The following KCNQ5 variants were observed in gnomAD, a reference collection of about 807,000 sequenced individuals.
KCNQ5 encodes potassium voltage-gated channel subfamily KQT member 5.
Under a neutral mutation model 98.2 loss-of-function variants are expected in KCNQ5, and 30 were observed. That is an observed-to-expected ratio of 0.31 (90% CI 0.23 to 0.41). The LOEUF (loss-of-function observed/expected upper bound fraction) is 0.41. Among genes scored for constraint, KCNQ5 ranks in the 10% least tolerant of loss-of-function variants. The pLI is 1.00. For synonymous variants in KCNQ5, 458 were observed against 449.4 expected, an observed-to-expected ratio of 1.02 and a Z score of -0.24; for missense variants, 835 against 1,182.5, an observed-to-expected ratio of 0.71 and a Z score of 4.31.
intron 1 of KCNQ5, among the ~76,000 whole-genome samples, chr6:72,652,240 CAA>C (rs66526018): frequency 0.19 from 20,186 of 105,174 alleles, 1,419 homozygotes; most frequent in East Asian, 0.31. Flanking sequence ...GAGGCAGAAG[CAA>C]AAAAAAAAAA....
intron 1 of KCNQ5, among the ~76,000 whole-genome samples, chr6:72,985,042 A>C (rs1041483927): frequency 6.6e-6 from 1 of 152,148 alleles, no homozygotes; most frequent in Non-Finnish European, 1.5e-5. Flanking sequence ...GTCACTACAA[A>C]AATTTTTGTC....
At chr6:72,749,017 T>A (rs1444870459) in intron 1 of KCNQ5, among the ~76,000 whole-genome samples, 1 of 152,172 alleles carries the variant, frequency 6.6e-6, no homozygotes, top group African/African-American at 2.4e-5. Flanking sequence ...CACCTGTGGT[T>A]TGCCCATGAC....
chr6:73,126,078 AC>A (rs1278178907), intron 9 of KCNQ5, among the ~76,000 whole-genome samples: 1 of 152,336 alleles, frequency 6.6e-6, no homozygotes, highest in East Asian at 1.9e-4. Flanking sequence ...AAAAAGTTAC[AC>A]AAAATAAATC....
intron 1 of KCNQ5, among the ~76,000 whole-genome samples, chr6:72,701,505 A>C (rs1023051083): frequency 6.6e-6 from 1 of 152,166 alleles, no homozygotes; most frequent in Non-Finnish European, 1.5e-5. Context: ...TATAGCTAAG[A>C]GTTATTTTGT....
At chr6:73,164,028 G>T (rs533645960) in intron 10 of KCNQ5, among the ~76,000 whole-genome samples, 20 of 152,198 alleles carry the variant, frequency 1.3e-4, no homozygotes, top group African/African-American at 4.8e-4. Flanking sequence ...AAATGTATAT[G>T]TAGCTCACAT....
chr6:72,809,700 ACAATT>A (rs1480253326), intron 1 of KCNQ5, among the ~76,000 whole-genome samples: 1 of 152,228 alleles, frequency 6.6e-6, no homozygotes, highest in African/African-American at 2.4e-5. Context: ...GCACTTCTCT[ACAATT>A]CAGTCCTAAA....
chr6:72,885,645 G>T (rs891590391), intron 1 of KCNQ5, among the ~76,000 whole-genome samples: 1 of 152,220 alleles, frequency 6.6e-6, no homozygotes, highest in East Asian at 1.9e-4. Context: ...CCCCTTAAAG[G>T]CCTGAATTAA....
chr6:73,024,746 A>G (rs995926477), intron 2 of KCNQ5, among the ~76,000 whole-genome samples: 1 of 152,210 alleles, frequency 6.6e-6, no homozygotes, highest in Non-Finnish European at 1.5e-5. Flanking sequence ...GAACAAAAAC[A>G]TTATTCAAGG....
At chr6:73,126,256 A>G (rs1775984548) in intron 9 of KCNQ5, among the ~76,000 whole-genome samples, 1 of 152,168 alleles carries the variant, frequency 6.6e-6, no homozygotes, top group Admixed American at 6.5e-5. Context: ...GAGTGCGATC[A>G]CCCATCTTAG....
chr6:72,730,531 G>C (rs1193048869), intron 1 of KCNQ5, among the ~76,000 whole-genome samples: 4 of 152,058 alleles, frequency 2.6e-5, no homozygotes, highest in Non-Finnish European at 5.9e-5. Flanking sequence ...ACTTTTTTCT[G>C]TATGGCCACC....
chr6:73,034,991 GC>G (rs1232541926), intron 2 of KCNQ5, among the ~76,000 whole-genome samples: 4 of 150,414 alleles, frequency 2.7e-5, no homozygotes, highest in African/African-American at 9.9e-5. Context: ...GACTACAGGC[GC>G]CCGCCACCAC....
At chr6:72,660,044 G>A (rs1343897212) in intron 1 of KCNQ5, among the ~76,000 whole-genome samples, 1 of 152,120 alleles carries the variant, frequency 6.6e-6, no homozygotes, top group Admixed American at 6.6e-5. Flanking sequence ...TGAAGCCAGG[G>A]CAAACCTTTT....
At chr6:72,914,476 GC>G in intron 1 of KCNQ5, among the ~76,000 whole-genome samples, 1 of 149,784 alleles carries the variant, frequency 6.7e-6, no homozygotes, top group East Asian at 2.0e-4. Context: ...TCACAAGCAG[GC>G]CACCCTGTGA....
At chr6:72,811,394 G>A (rs1775234718) in intron 1 of KCNQ5, among the ~76,000 whole-genome samples, 1 of 152,096 alleles carries the variant, frequency 6.6e-6, no homozygotes, top group South Asian at 2.1e-4. Flanking sequence ...TCATTTGAAT[G>A]TCATCTGCTA....
chr6:72,677,059 T>C (rs1767451068), intron 1 of KCNQ5: 1 of 152,220 alleles, frequency 6.6e-6, no homozygotes, highest in Admixed American at 6.5e-5. Context: ...ATTAGTTCAG[T>C]AATTATAGTC....
chr6:72,809,290 C>T (rs1480986649), intron 1 of KCNQ5, among the ~76,000 whole-genome samples: 1 of 148,274 alleles, frequency 6.7e-6, no homozygotes, highest in Non-Finnish European at 1.5e-5. Context: ...ATACCTAATG[C>T]TAGATGACGA....
intron 12 of KCNQ5, 134 bp downstream of exon 12, chr6:73,190,838 T>A: frequency 2.0e-6 from 1 of 491,164 alleles, no homozygotes; most frequent in Non-Finnish European, 3.4e-6. Context: ...GAATTTGCTT[T>A]AAACATTGAT....
chr6:73,035,663 A>G (rs756104331), intron 2 of KCNQ5, among the ~76,000 whole-genome samples: 2 of 152,204 alleles, frequency 1.3e-5, no homozygotes, highest in Non-Finnish European at 2.9e-5. Context: ...CCTCATCCAA[A>G]GGGTGATTTA....
At chr6:73,007,437 G>T (rs925713359) in intron 2 of KCNQ5, among the ~76,000 whole-genome samples, 1 of 152,196 alleles carries the variant, frequency 6.6e-6, no homozygotes, top group African/African-American at 2.4e-5. Context: ...CTAGAAGAAA[G>T]ACAGAGTAGG....
Sources: gnomAD v4.1 joint callset for allele counts (sites outside exome capture counted in the v4.1 genomes callset) on GRCh38, gnomAD v4.1.1 for gene constraint, MANE v1.5 for transcripts, NCBI Gene and HGNC (gene_info 2026-07-23, HGNC 2026-07-21) for gene names.